CACNA2D3: variants seen among roughly 807,000 people sequenced by gnomAD.
CACNA2D3 encodes calcium voltage-gated channel auxiliary subunit alpha2delta 3, also known as voltage-dependent calcium channel subunit alpha-2/delta-3.
CACNA2D3 carries 60 observed loss-of-function variants against 160.6 expected under a neutral mutation model. The observed-to-expected ratio is 0.37, with a 90% CI of 0.30 to 0.46. CACNA2D3 has a LOEUF of 0.46. CACNA2D3 is among the 20% of genes least tolerant of loss of function. CACNA2D3 has a pLI of 1.00. For synonymous variants in CACNA2D3, 558 were observed against 492.9 expected (o/e 1.13, Z -1.75); for missense variants, 1,205 against 1,365.0 (o/e 0.88, Z 1.85).
At position 54,736,109 on chromosome 3, in the gene CACNA2D3, GTATATATAT is replaced by G. The variant is rs1701519771; in HGVS notation, c.1168-16489_1168-16481del. On this transcript the variant is annotated intron_variant, in intron 11 of 37. Transcript: ENST00000474759. ...TATGTGTATATATATACATATATAT[GTATATATAT>G]ACATATATATATGTATATATATACA... Among the ~76,000 whole-genome samples, 3 of 20,080 alleles carry G rather than the reference GTATATATAT, an allele frequency of 1.5e-4. 1 individual carries two copies. Among genetic ancestry groups the G allele is most frequent in the South Asian group, 1.7e-3 (1 of 582 alleles). 13.2% of individuals were successfully genotyped at this position (20,080 alleles called of 152,430 possible). A position where few individuals can be genotyped will look rare whatever the true frequency, so the allele number is the denominator to read the frequency against.
At chr3:54,642,804 A>C (rs1699552106) in intron 11 of CACNA2D3, among the ~76,000 whole-genome samples, 2 of 152,192 alleles carry the variant, frequency 1.3e-5, no homozygotes, top group South Asian at 2.1e-4. Context: ...TAATTGACTG[A>C]TACTAATATT....
At chr3:54,990,629 C>A (rs1702718702) in intron 31 of CACNA2D3, among the ~76,000 whole-genome samples, 1 of 152,224 alleles carries the variant, frequency 6.6e-6, no homozygotes, top group Non-Finnish European at 1.5e-5. Flanking sequence ...GAGAGCACTA[C>A]CTCCCTTCAT....
At chr3:54,183,229 T>TG (rs11437832) in intron 2 of CACNA2D3, among the ~76,000 whole-genome samples, 79,403 of 145,406 alleles carry the variant, frequency 0.55, 22,331 homozygotes, top group East Asian at 0.97. Context: ...TTTTTTTTTT[T>TG]CTATTCAGAA....
intron 4 of CACNA2D3, among the ~76,000 whole-genome samples, chr3:54,475,660 G>A (rs1438416509): frequency 6.6e-6 from 1 of 152,068 alleles, no homozygotes; most frequent in Non-Finnish European, 1.5e-5. Flanking sequence ...CAAACTGCTT[G>A]CCAAGTTATG....
At chr3:54,244,001 G>C (rs900351860) in intron 2 of CACNA2D3, among the ~76,000 whole-genome samples, 1 of 152,150 alleles carries the variant, frequency 6.6e-6, no homozygotes, top group Non-Finnish European at 1.5e-5. Context: ...TGCTCCCCCC[G>C]TCCTGTGCTG....
intron 27 of CACNA2D3, chr3:54,918,897 A>G (rs1390030586): frequency 6.6e-7 from 1 of 1,517,768 alleles, no homozygotes; most frequent in African/African-American, 1.4e-5. Context: ...GTCCCCCTTT[A>G]AAAAACAAAA....
intron 2 of CACNA2D3, among the ~76,000 whole-genome samples, chr3:54,245,883 G>C (rs1467961313): frequency 6.6e-6 from 1 of 152,222 alleles, no homozygotes. Flanking sequence ...TTTGGAGTTT[G>C]CTTCTCTATC....
Position 54,967,415 on chromosome 3 carries a change from A to G in CACNA2D3, c.2450-1035A>G, listed in dbSNP as rs116228392. Among the ~76,000 whole-genome samples, 1,256 of 152,124 alleles carry G rather than the reference A, an allele frequency of 8.3e-3. 22 individuals carry two copies. The highest frequency in any genetic ancestry group is 0.029 in the African/African-American group (1,185 of 41,488). ...TTCTTACAATTGTGTATTTCTTTTG[A>G]TGGGTGTTCCAGTTTTATTTAGGTT... On this transcript the variant is annotated intron_variant, in intron 27 of 37. Coordinates refer to ENST00000474759, the MANE Select transcript of CACNA2D3 (RefSeq NM_018398.3).
At chr3:54,678,864 T>C (rs531533290) in intron 11 of CACNA2D3, among the ~76,000 whole-genome samples, 1 of 152,210 alleles carries the variant, frequency 6.6e-6, no homozygotes, top group Non-Finnish European at 1.5e-5. Context: ...ACTGGCGTTA[T>C]GATTAGGCAA....
intron 35 of CACNA2D3, among the ~76,000 whole-genome samples, chr3:55,071,477 A>G (rs1211085223): frequency 1.3e-5 from 2 of 152,204 alleles, no homozygotes; most frequent in African/African-American, 4.8e-5. Context: ...ATAATTTTCT[A>G]TAAATATCTA....
chr3:54,722,511 G>A (rs1412120154), intron 11 of CACNA2D3, among the ~76,000 whole-genome samples: 1 of 152,162 alleles, frequency 6.6e-6, no homozygotes, highest in African/African-American at 2.4e-5. Context: ...GGAATTTTCA[G>A]CCTTTTTGTG....
intron 17 of CACNA2D3, among the ~76,000 whole-genome samples, chr3:54,853,485 G>A (rs1441979210): frequency 6.6e-6 from 1 of 152,154 alleles, no homozygotes; most frequent in Non-Finnish European, 1.5e-5. Flanking sequence ...AATGTGGTTG[G>A]TTAAGCTCCC....
intron 27 of CACNA2D3, among the ~76,000 whole-genome samples, chr3:54,900,154 G>T (rs1286734444): frequency 6.6e-6 from 1 of 152,168 alleles, no homozygotes; most frequent in Non-Finnish European, 1.5e-5. Context: ...TTGATGGTAG[G>T]TAGCATGTTC....
chr3:54,154,096 G>A (rs902987800), intron 2 of CACNA2D3, among the ~76,000 whole-genome samples: 8 of 152,210 alleles, frequency 5.3e-5, no homozygotes, highest in African/African-American at 9.6e-5. Context: ...TTTAACTCCC[G>A]ATAATAAGTG....
chr3:54,216,876 G>A (rs902844722), intron 2 of CACNA2D3, among the ~76,000 whole-genome samples: 1 of 152,154 alleles, frequency 6.6e-6, no homozygotes, highest in African/African-American at 2.4e-5. Flanking sequence ...ATGCTGTGGG[G>A]CCAAGTTCAG....
intron 27 of CACNA2D3, chr3:54,924,715 G>C (rs754986753): frequency 6.2e-7 from 1 of 1,613,990 alleles, no homozygotes; most frequent in Non-Finnish European, 8.5e-7. Flanking sequence ...CTCACACTGG[G>C]CATGGATTCC....
chr3:55,024,606 A>C (rs1703526144), intron 35 of CACNA2D3, among the ~76,000 whole-genome samples: 1 of 152,180 alleles, frequency 6.6e-6, no homozygotes, highest in African/African-American at 2.4e-5. Flanking sequence ...GCCCTGACTA[A>C]ACACTAAGTC....
rs534386407 is a variant in CACNA2D3, at chr3:54,899,930, G to A, written c.2449+62G>A. On this transcript the variant is annotated intron_variant, in intron 27 of 37. Transcript: ENST00000474759. ...CATGGCGCCCATTCATCCGGCCAGT[G>A]GGCTACTTCTGTGAGGCACGCTTAT... is the stretch of plus-strand genomic sequence containing the variant. 7.3e-6 allele frequency: 9 copies of A among 1,225,258 alleles called. No individual in the cohort carries two copies. The African/African-American group carries it at 7.5e-5, about 10-fold the overall frequency. 75.9% of individuals were successfully genotyped at this position (1,225,258 alleles called of 1,614,324 possible). A position where few individuals can be genotyped will look rare whatever the true frequency, so the allele number is the denominator to read the frequency against.
At chr3:54,714,949 G>C (rs1701024249) in intron 11 of CACNA2D3, among the ~76,000 whole-genome samples, 1 of 152,170 alleles carries the variant, frequency 6.6e-6, no homozygotes, top group South Asian at 2.1e-4. Flanking sequence ...CTGGATGTCT[G>C]AGTTTTTTCT....
Sources: allele counts gnomAD v4.1 joint callset (sites outside exome capture counted in the v4.1 genomes callset), GRCh38; gene constraint gnomAD v4.1.1; transcripts MANE v1.5; gene names NCBI Gene and HGNC (gene_info 2026-07-23, HGNC 2026-07-21).